LOC400499: variants seen among roughly 807,000 people sequenced by gnomAD.
the LOC400499 span, among the ~76,000 whole-genome samples, chr16:11,483,238 G>T: frequency 6.6e-6 from 1 of 152,204 alleles, no homozygotes; most frequent in Non-Finnish European, 1.5e-5. Context: ...AACCACTTGG[G>T]AGAATGGTTT....
chr16:11,390,392 G>A, the LOC400499 span: 159 of 1,239,838 alleles, frequency 1.3e-4, no homozygotes, highest in Non-Finnish European at 1.4e-4. Flanking sequence ...TCCTCTGCTC[G>A]CTCCCGCCAC....
the LOC400499 span, among the ~76,000 whole-genome samples, chr16:11,424,505 CA>C: frequency 3.9e-5 from 6 of 152,234 alleles, no homozygotes; most frequent in African/African-American, 1.4e-4. Context: ...CTACTGCACC[CA>C]ATACACCAGG....
chr16:11,376,115 C>G, the LOC400499 span, among the ~76,000 whole-genome samples: 3 of 152,146 alleles, frequency 2.0e-5, no homozygotes, highest in Admixed American at 2.0e-4. Flanking sequence ...GATGGGAACT[C>G]CTTATCAGAT....
chr16:11,382,589 G>A, the LOC400499 span, among the ~76,000 whole-genome samples: 3 of 152,154 alleles, frequency 2.0e-5, no homozygotes, highest in Admixed American at 2.0e-4. Flanking sequence ...GATGATTATT[G>A]TGGTGTGAGA....
At chr16:11,525,495 A>G in the LOC400499 span, among the ~76,000 whole-genome samples, 1 of 152,196 alleles carries the variant, frequency 6.6e-6, no homozygotes, top group Non-Finnish European at 1.5e-5. Flanking sequence ...AGATAAAACC[A>G]CATTTCAAAG....
At chr16:11,455,495 G>C in the LOC400499 span, among the ~76,000 whole-genome samples, 2 of 152,094 alleles carry the variant, frequency 1.3e-5, no homozygotes, top group Non-Finnish European at 2.9e-5. Context: ...AGCACTTTGG[G>C]AGGCCAAAGA....
At chr16:11,525,529 T>A in the LOC400499 span, among the ~76,000 whole-genome samples, 57 of 152,306 alleles carry the variant, frequency 3.7e-4, no homozygotes, top group African/African-American at 1.3e-3. Flanking sequence ...TCAATTTCCC[T>A]TCCAACTTTC....
At chr16:11,455,741 G>GAAAAAAA in the LOC400499 span, among the ~76,000 whole-genome samples, 19 of 131,716 alleles carry the variant, frequency 1.4e-4, no homozygotes, top group South Asian at 2.4e-4. Context: ...TCTCAAAAAA[G>GAAAAAAA]AAAAAAAAAA....
chr16:11,383,874 G>C, the LOC400499 span: 1 of 1,232,180 alleles, frequency 8.1e-7, no homozygotes, highest in Non-Finnish European at 1.0e-6. Context: ...CATGGGCCAG[G>C]CTCACACTCA....
chr16:11,426,158 A>G, the LOC400499 span, among the ~76,000 whole-genome samples: 3 of 152,220 alleles, frequency 2.0e-5, no homozygotes. Flanking sequence ...AAAACTGGCC[A>G]GGCGCGGTGG....
At chr16:11,444,078 T>C in the LOC400499 span, among the ~76,000 whole-genome samples, 2 of 152,098 alleles carry the variant, frequency 1.3e-5, no homozygotes, top group Non-Finnish European at 2.9e-5. Flanking sequence ...TGACCTCAAG[T>C]GATCCACCCA....
chr16:11,443,181 G>T, the LOC400499 span, among the ~76,000 whole-genome samples: 3,658 of 151,582 alleles, frequency 0.024, 143 homozygotes, highest in African/African-American at 0.084. Flanking sequence ...AAAATTAGCC[G>T]GGTGTGGTCA....
At chr16:11,400,123 C>G in the LOC400499 span, among the ~76,000 whole-genome samples, 1 of 151,768 alleles carries the variant, frequency 6.6e-6, no homozygotes, top group Admixed American at 6.6e-5. Context: ...AGAAAGCAAC[C>G]GTGCTCCTCA....
the LOC400499 span, among the ~76,000 whole-genome samples, chr16:11,400,004 C>A: frequency 1.3e-5 from 2 of 152,020 alleles, no homozygotes; most frequent in South Asian, 2.1e-4. Flanking sequence ...CTGCCTACCC[C>A]CATCTCTGGA....
chr16:11,448,867 G>C, the LOC400499 span: 1 of 1,348,380 alleles, frequency 7.4e-7, no homozygotes, highest in African/African-American at 1.4e-5. Context: ...GTAGGAAACC[G>C]AGGTGAGGGA....
the LOC400499 span, among the ~76,000 whole-genome samples, chr16:11,410,272 G>A: frequency 2.4e-4 from 37 of 152,278 alleles, no homozygotes; most frequent in Admixed American, 7.8e-4. Context: ...TGGATATCAC[G>A]GTGAAACCCT....
the LOC400499 span, among the ~76,000 whole-genome samples, chr16:11,500,639 T>A: frequency 6.6e-6 from 1 of 151,980 alleles, no homozygotes; most frequent in Non-Finnish European, 1.5e-5. Flanking sequence ...TACCAAAGGT[T>A]GCCTTGAACC....
At chr16:11,406,168 C>G in the LOC400499 span, among the ~76,000 whole-genome samples, 1 of 152,216 alleles carries the variant, frequency 6.6e-6, no homozygotes, top group South Asian at 2.1e-4. Flanking sequence ...TTGGCTCCCT[C>G]TCACCCTCCT....
chr16:11,448,416 T>C, the LOC400499 span, among the ~76,000 whole-genome samples: 5 of 152,298 alleles, frequency 3.3e-5, no homozygotes, highest in African/African-American at 9.6e-5. Context: ...TGGTGGCTCA[T>C]GCCTGTAATC....
Sources: gnomAD v4.1 joint callset for allele counts (sites outside exome capture counted in the v4.1 genomes callset) on GRCh38, gnomAD v4.1.1 for gene constraint, MANE v1.5 for transcripts.